SLC24A3: variants seen among roughly 807,000 people sequenced by gnomAD.
The protein encoded by SLC24A3 is solute carrier family 24 member 3.
In SLC24A3, 28 loss-of-function variants were observed where a neutral mutation model predicts 75.8. That is an observed-to-expected ratio of 0.37 (90% CI 0.27 to 0.51). The LOEUF is 0.51. Ranked by LOEUF, SLC24A3 falls within the 20% of genes least tolerant of loss-of-function variation. The pLI, the probability that SLC24A3 is intolerant of heterozygous loss-of-function variation, is 0.94. For missense variants in SLC24A3, 663 were observed against 847.8 expected, an observed-to-expected ratio of 0.78 and a Z score of 2.71; for synonymous variants, 372 against 334.1, an observed-to-expected ratio of 1.11 and a Z score of -1.24.
At chr20:19,224,749 T>G (rs1981830173) in intron 1 of SLC24A3, among the ~76,000 whole-genome samples, 1 of 152,206 alleles carries the variant, frequency 6.6e-6, no homozygotes, top group South Asian at 2.1e-4. Context: ...TTGAGGAAAC[T>G]AATGTCAAAG....
chr20:19,698,494 T>C, intron 14 of SLC24A3, 74 bp from the exon 15 acceptor site: 1 of 1,043,226 alleles, frequency 9.6e-7, no homozygotes. Context: ...GCTGTGAGAC[T>C]AAAGGCTTGG....
chr20:19,509,220 A>G (rs1729654907), intron 2 of SLC24A3, among the ~76,000 whole-genome samples: 1 of 152,214 alleles, frequency 6.6e-6, no homozygotes, highest in South Asian at 2.1e-4. Flanking sequence ...TCTGGACCCG[A>G]GCCTGATTCT....
In SLC24A3 at chr20:19,481,950, A is replaced by C. The variant is rs1988061498; in HGVS notation, c.272-33538A>C. On this transcript the variant is annotated intron_variant, in intron 2 of 16. Transcript: ENST00000328041. ...GCTACATGTCCAAACTGACCTCTAGACCCATCTCCCAGACCCAGTCTTCCT... is the reference window on the plus strand; with the variant it reads ...GCTACATGTCCAAACTGACCTCTAGCCCCATCTCCCAGACCCAGTCTTCCT... Among the ~76,000 whole-genome samples the C allele has an allele frequency of 2.0e-5, 3 of 151,978 alleles. No individual in the cohort carries two copies. The South Asian group carries it at 6.2e-4, about 32-fold the overall frequency.
chr20:19,640,204 G>A lies in SLC24A3; in HGVS notation c.613-13858G>A, dbSNP rs748960379. Among the ~76,000 whole-genome samples the A allele has an allele frequency of 4.4e-4, 67 of 152,362 alleles. 1 individual carries two copies. Among genetic ancestry groups the A allele is most frequent in the Middle Eastern group, 6.8e-3 (2 of 294 alleles). On this transcript the variant is annotated intron_variant, in intron 6 of 16. Coordinates refer to ENST00000328041, the MANE Select transcript of SLC24A3 (RefSeq NM_020689.4). ...CAGCACGCTGTCACCTCTCAGTAGC[G>A]GTAATGCAGGCACAAGTGTGTCATT...
intron 2 of SLC24A3, among the ~76,000 whole-genome samples, chr20:19,514,298 A>T (rs1393612490): frequency 6.6e-6 from 1 of 152,214 alleles, no homozygotes; most frequent in Non-Finnish European, 1.5e-5. Flanking sequence ...TGCACAGTGC[A>T]TCCTGGAGTC....
chr20:19,649,432 C>A (rs916917170), intron 6 of SLC24A3, among the ~76,000 whole-genome samples: 3 of 152,300 alleles, frequency 2.0e-5, no homozygotes, highest in Non-Finnish European at 2.9e-5. Flanking sequence ...TTAACTGATT[C>A]TCTCCCTCCT....
chr20:19,599,335 G>T (rs955532099), intron 6 of SLC24A3, among the ~76,000 whole-genome samples: 2 of 152,108 alleles, frequency 1.3e-5, no homozygotes, highest in Admixed American at 1.3e-4. Flanking sequence ...ACTGTCTTGC[G>T]GTCCCTCCCG....
chr20:19,602,132 C>A (rs950109379), intron 6 of SLC24A3, among the ~76,000 whole-genome samples: 2 of 152,136 alleles, frequency 1.3e-5, no homozygotes, highest in Non-Finnish European at 2.9e-5. Flanking sequence ...CGAGATTGTG[C>A]CACTGCACTC....
At chr20:19,227,198 G>T (rs1981891707) in intron 1 of SLC24A3, among the ~76,000 whole-genome samples, 1 of 152,136 alleles carries the variant, frequency 6.6e-6, no homozygotes, top group Non-Finnish European at 1.5e-5. Flanking sequence ...GGTTTAGTTT[G>T]CCTTCCTTCT....
intron 1 of SLC24A3, among the ~76,000 whole-genome samples, chr20:19,237,058 C>G (rs987973161): frequency 6.6e-6 from 1 of 152,170 alleles, no homozygotes; most frequent in African/African-American, 2.4e-5. Flanking sequence ...AGCACTTGGC[C>G]TGAAATGATG....
intron 1 of SLC24A3, among the ~76,000 whole-genome samples, chr20:19,235,046 C>A (rs1453115707): frequency 6.6e-6 from 1 of 152,216 alleles, no homozygotes; most frequent in African/African-American, 2.4e-5. Context: ...CCCACTCCGG[C>A]TATTTTCTAC....
In SLC24A3 at chr20:19,539,618, G is replaced by A. The variant is rs542629983; in HGVS notation, c.348+24054G>A. On this transcript the variant is annotated intron_variant, in intron 3 of 16. Transcript: ENST00000328041. ...GATGATTTTAGAGGAAGAAGGGGGA[G>A]ACACCTTTCCTCCCCATCATAAGGG... Among the ~76,000 whole-genome samples the A allele has an allele frequency of 1.2e-4, 18 of 152,290 alleles. No homozygotes were observed. The South Asian group carries it at 3.7e-3, about 32-fold the overall frequency.
chr20:19,653,976 C>A, intron 6 of SLC24A3, 86 bp from the exon 7 acceptor site: 1 of 1,144,608 alleles, frequency 8.7e-7, no homozygotes, highest in Non-Finnish European at 1.3e-6. Context: ...GAGGCCTAGA[C>A]AGGAAGCTGG....
chr20:19,334,570 A>C (rs1400554210), intron 2 of SLC24A3, among the ~76,000 whole-genome samples: 1 of 152,220 alleles, frequency 6.6e-6, no homozygotes, highest in Non-Finnish European at 1.5e-5. Flanking sequence ...GCCAACATCA[A>C]TGTGACTGTC....
intron 8 of SLC24A3, among the ~76,000 whole-genome samples, chr20:19,671,112 A>C (rs2032461403): frequency 6.6e-6 from 1 of 152,218 alleles, no homozygotes; most frequent in Non-Finnish European, 1.5e-5. Flanking sequence ...GGGCAGGGGC[A>C]GGCAGGGAAG....
rs762965517 is a variant in SLC24A3, at chr20:19,696,937, A to AGGAG, written c.1606+40_1606+43dup. ...GTGGGACTTCCAGTGGCAATGGGGA[A>AGGAG]GGAGGGAGGGAGGGAGGAGGAGAGG... On this transcript the variant is annotated intron_variant, in intron 14 of 16. Transcript: ENST00000328041. The AGGAG allele has an allele frequency of 3.5e-4, 261 of 754,404 alleles. No individual in the cohort carries two copies. In the African/African-American group the frequency reaches 5.0e-3, roughly 14 times the overall value. 46.7% of individuals were successfully genotyped at this position (754,404 alleles called of 1,614,324 possible). A position where few individuals can be genotyped will look rare whatever the true frequency, so the allele number is the denominator to read the frequency against.
At chr20:19,232,284 T>C (rs532172210) in intron 1 of SLC24A3, among the ~76,000 whole-genome samples, 1 of 152,370 alleles carries the variant, frequency 6.6e-6, no homozygotes, top group African/African-American at 2.4e-5. Flanking sequence ...CTATTTATTT[T>C]GTGATGATCA....
intron 1 of SLC24A3, among the ~76,000 whole-genome samples, chr20:19,219,674 G>A (rs949649968): frequency 1.3e-5 from 2 of 152,098 alleles, no homozygotes; most frequent in Admixed American, 6.6e-5. Context: ...ATGCAGACAG[G>A]CAATTTACAA....
At chr20:19,397,777 A>T (rs192273966) in intron 2 of SLC24A3, among the ~76,000 whole-genome samples, 3 of 151,920 alleles carry the variant, frequency 2.0e-5, no homozygotes, top group Admixed American at 2.0e-4. Context: ...TCCAAGAAAT[A>T]ACATAATTTG....
Sources: gnomAD v4.1 joint callset for allele counts (sites outside exome capture counted in the v4.1 genomes callset) on GRCh38, gnomAD v4.1.1 for gene constraint, MANE v1.5 for transcripts, NCBI Gene and HGNC (gene_info 2026-07-23, HGNC 2026-07-21) for gene names.